The following CELF2 variants were observed in gnomAD, a reference collection of about 807,000 sequenced individuals.
CELF2 encodes CUGBP Elav-like family member 2.
A neutral mutation model predicts 62.6 loss-of-function variants in CELF2; 8 were observed. The ratio of observed to expected loss-of-function variants is 0.13; its 90% CI spans 0.07 to 0.23. The LOEUF is 0.23. Among genes scored for constraint, CELF2 ranks in the 10% least tolerant of loss-of-function variants. The pLI is 1.00. For missense variants in CELF2, 333 were observed against 671.0 expected (o/e 0.50, Z 5.56); for synonymous variants, 258 against 250.0 (o/e 1.03, Z -0.30).
chr10:10,564,681 C>T, the CELF2 span, among the ~76,000 whole-genome samples: 7 of 133,902 alleles, frequency 5.2e-5, no homozygotes, highest in South Asian at 2.3e-4. Context: ...CACGCACACA[C>T]GCACACACAC....
intron 1 of CELF2, among the ~76,000 whole-genome samples, chr10:10,850,086 T>C (rs931183410): frequency 6.6e-6 from 1 of 151,950 alleles, no homozygotes; most frequent in Non-Finnish European, 1.5e-5. Flanking sequence ...GAGGCGGAGA[T>C]TGCAGTGAGC....
chr10:10,933,464 T>C (rs1169949590), intron 2 of CELF2, among the ~76,000 whole-genome samples: 1 of 152,198 alleles, frequency 6.6e-6, no homozygotes, highest in Non-Finnish European at 1.5e-5. Context: ...AATTACCTGT[T>C]TTGAAATATA....
Position 11,333,560 on chromosome 10 carries a change from TAAAA to T in CELF2, c.*4511_*4514del, listed in dbSNP as rs901213628. The stretch of plus-strand genomic sequence containing the variant: ...GCTAATTAAAAAAAAAATAAAATTT[TAAAA>T]AAACCTGTAGTTTCATTACCTTTTT... On this transcript the variant is annotated 3_prime_UTR_variant, in exon 13 of 13. Coordinates refer to ENST00000633077, the MANE Select transcript of CELF2 (RefSeq NM_001326342.2). The T allele has an allele frequency of 6.6e-6, 1 of 152,314 alleles. No homozygotes were observed. The highest frequency in any genetic ancestry group is 1.5e-5 in the Non-Finnish European group (1 of 68,032). The allele number at this position is 152,314 out of a possible 1,614,324, so 9.4% of individuals were successfully genotyped here. A position where few individuals can be genotyped will look rare whatever the true frequency, so the allele number is the denominator to read the frequency against.
chr10:10,569,877 G>A, the CELF2 span, among the ~76,000 whole-genome samples: 1 of 152,260 alleles, frequency 6.6e-6, no homozygotes, highest in East Asian at 1.9e-4. Context: ...AACTGCTTCA[G>A]GAGAACTATG....
intron 1 of CELF2, among the ~76,000 whole-genome samples, chr10:10,879,513 G>A (rs567554564): frequency 6.6e-6 from 1 of 152,252 alleles, no homozygotes; most frequent in East Asian, 1.9e-4. Flanking sequence ...ATAAAATAGG[G>A]TATTGAATTT....
chr10:11,228,649 G>A (rs1206672712), intron 3 of CELF2, among the ~76,000 whole-genome samples: 2 of 148,384 alleles, frequency 1.3e-5, no homozygotes, highest in Non-Finnish European at 2.9e-5. Context: ...CCTAGATTTT[G>A]ACTAGTTCTT....
chr10:10,562,925 ATT>A, the CELF2 span, among the ~76,000 whole-genome samples: 16,343 of 141,554 alleles, frequency 0.12, 1,113 homozygotes, highest in East Asian at 0.25. Flanking sequence ...AGTCTAAGGC[ATT>A]TTTTTTTTTT....
At chr10:10,791,677 T>C in the CELF2 span, among the ~76,000 whole-genome samples, 8 of 152,202 alleles carry the variant, frequency 5.3e-5, no homozygotes, top group Non-Finnish European at 1.2e-4. Context: ...TCTCTGTGAA[T>C]TGTTTTCTTA....
At chr10:11,028,963 C>T (rs2059693887) in intron 1 of CELF2, among the ~76,000 whole-genome samples, 1 of 152,192 alleles carries the variant, frequency 6.6e-6, no homozygotes, top group African/African-American at 2.4e-5. Context: ...GTGAGTCCAC[C>T]TTGGCCTTCC....
intron 2 of CELF2, among the ~76,000 whole-genome samples, chr10:10,941,523 A>G (rs757912923): frequency 3.9e-5 from 6 of 152,190 alleles, no homozygotes; most frequent in Non-Finnish European, 8.8e-5. Context: ...GAGTTCACTA[A>G]TGCTAACGCT....
At chr10:10,578,857 A>G in the CELF2 span, among the ~76,000 whole-genome samples, 3 of 152,160 alleles carry the variant, frequency 2.0e-5, no homozygotes, top group African/African-American at 2.4e-5. Context: ...TTTTGCACCA[A>G]TCATCCCAAT....
At chr10:11,038,203 G>A (rs530800562) in intron 1 of CELF2, among the ~76,000 whole-genome samples, 23 of 152,342 alleles carry the variant, frequency 1.5e-4, no homozygotes, top group African/African-American at 5.5e-4. Context: ...AGGAGCTGAG[G>A]TCAGCGTTCA....
intron 1 of CELF2, among the ~76,000 whole-genome samples, chr10:11,129,787 G>C (rs923778833): frequency 2.6e-5 from 4 of 152,122 alleles, no homozygotes; most frequent in African/African-American, 9.7e-5. Flanking sequence ...AGTCTTGCTA[G>C]AGGTCTACCA....
rs1243508310 is a variant in CELF2, at chr10:11,321,416, C to T, written c.1294+30C>T. 14 of 1,585,224 alleles carry T rather than the reference C, an allele frequency of 8.8e-6. No homozygotes were observed. The highest frequency in any genetic ancestry group is 2.7e-5 in the African/African-American group (2 of 74,552). ...GTGCCGCCCTTGGCCCCAGGCAGGG[C>T]CCAGCCCAACAGGCAGCACTGGCCT... On this transcript the variant is annotated intron_variant, in intron 11 of 12. Coordinates refer to ENST00000633077, the MANE Select transcript of CELF2 (RefSeq NM_001326342.2). The surrounding 1 kb of genome is among the most constrained non-coding windows in gnomAD (Gnocchi z 6.2).
the CELF2 span, among the ~76,000 whole-genome samples, chr10:10,645,765 G>C: frequency 6.6e-6 from 1 of 152,180 alleles, no homozygotes; most frequent in East Asian, 1.9e-4. Flanking sequence ...GTGCCTGGTG[G>C]GGAACAGGTA....
the CELF2 span, among the ~76,000 whole-genome samples, chr10:10,649,336 C>T: frequency 6.6e-6 from 1 of 152,066 alleles, no homozygotes; most frequent in African/African-American, 2.4e-5. Context: ...AATTAGATAG[C>T]GGGCTGGGTT....
intron 1 of CELF2, among the ~76,000 whole-genome samples, chr10:10,895,806 AAGAC>A (rs1188189462): frequency 6.6e-6 from 1 of 152,230 alleles, no homozygotes; most frequent in African/African-American, 2.4e-5. Context: ...AAGGCACTGG[AAGAC>A]AGACAATGAA....
intron 4 of CELF2, among the ~76,000 whole-genome samples, chr10:11,252,846 C>T (rs1399083503): frequency 2.0e-5 from 3 of 152,200 alleles, no homozygotes; most frequent in Non-Finnish European, 4.4e-5. Flanking sequence ...AAACCACCCA[C>T]CTTCCAACAG....
intron 1 of CELF2, among the ~76,000 whole-genome samples, chr10:10,828,117 C>T (rs1483691355): frequency 1.3e-5 from 2 of 151,536 alleles, no homozygotes; most frequent in African/African-American, 2.4e-5. Context: ...CAAAAAACCG[C>T]GAACAGAATT....
Sources: gnomAD v4.1 joint callset for allele counts (sites outside exome capture counted in the v4.1 genomes callset) on GRCh38, gnomAD v4.1.1 for gene constraint, Gnocchi (gnomAD v3.1) non-coding constraint, MANE v1.5 for transcripts, NCBI Gene and HGNC (gene_info 2026-07-23, HGNC 2026-07-21) for gene names.